The following ADGRL4 variants were observed in gnomAD, a reference collection of about 807,000 sequenced individuals.
The protein encoded by ADGRL4 is adhesion G protein-coupled receptor L4, also known as EGF, latrophilin and seven transmembrane domain containing 1.
ADGRL4 carries 90 observed loss-of-function variants against 74.8 expected under a neutral mutation model. The observed-to-expected ratio is 1.20, with a 90% CI of 1.02 to 1.43. The LOEUF is 1.43. Ranked by LOEUF, ADGRL4 falls within the 40% of genes most tolerant of loss-of-function variation. ADGRL4 has a pLI of 0.00. For synonymous variants in ADGRL4, 311 were observed against 279.2 expected (o/e 1.11, Z -1.14); for missense variants, 881 against 814.3 (o/e 1.08, Z -1.00).
chr1:78,996,902 C>T (rs1650728076), intron 2 of ADGRL4, among the ~76,000 whole-genome samples: 1 of 152,114 alleles, frequency 6.6e-6, no homozygotes, highest in African/African-American at 2.4e-5. Context: ...GGGGTAAACA[C>T]ACAACACAGG....
At chr1:78,939,159 TA>T in intron 4 of ADGRL4, 28 bp downstream of exon 4, 4 of 1,527,844 alleles carry the variant, frequency 2.6e-6, no homozygotes, top group Non-Finnish European at 3.5e-6. Context: ...AATGTCAAAA[TA>T]AAATAAATTG....
At chr1:78,899,935 A>G (rs1036999046) in intron 12 of ADGRL4, among the ~76,000 whole-genome samples, 3 of 152,174 alleles carry the variant, frequency 2.0e-5, no homozygotes, top group African/African-American at 7.2e-5. Context: ...CAAAAGGGAT[A>G]TTACAGATAG....
At chr1:78,944,892 A>G (rs770268835) in intron 3 of ADGRL4, among the ~76,000 whole-genome samples, 1 of 152,052 alleles carries the variant, frequency 6.6e-6, no homozygotes, top group African/African-American at 2.4e-5. Flanking sequence ...ATTTTTGAAC[A>G]TTGTGTCATA....
intron 2 of ADGRL4, among the ~76,000 whole-genome samples, chr1:78,950,819 G>A (rs954791398): frequency 3.9e-5 from 6 of 152,126 alleles, no homozygotes; most frequent in African/African-American, 4.8e-5. Flanking sequence ...GTTCTGACTT[G>A]GAGCGATCTG....
At chr1:78,920,835 A>G (rs888052469) in intron 9 of ADGRL4, among the ~76,000 whole-genome samples, 1 of 151,934 alleles carries the variant, frequency 6.6e-6, no homozygotes, top group Non-Finnish European at 1.5e-5. Context: ...AGGATTATCA[A>G]GTAATATTGT....
At chr1:78,891,894 T>C (rs1648286164) in intron 13 of ADGRL4, among the ~76,000 whole-genome samples, 1 of 152,122 alleles carries the variant, frequency 6.6e-6, no homozygotes, top group Non-Finnish European at 1.5e-5. Flanking sequence ...TACTGAACCG[T>C]GGCAGGGGTG....
At chr1:78,891,870 G>C (rs1260234882) in intron 13 of ADGRL4, among the ~76,000 whole-genome samples, 178 bp from the exon 14 acceptor site, 1 of 152,116 alleles carries the variant, frequency 6.6e-6, no homozygotes, top group Non-Finnish European at 1.5e-5. Flanking sequence ...ACAGCATTTA[G>C]GGTATGTTGC....
At chr1:78,891,810 T>C (rs780862283) in intron 13 of ADGRL4, 118 bp from the exon 14 acceptor site, 12 of 795,926 alleles carry the variant, frequency 1.5e-5, no homozygotes, top group Non-Finnish European at 2.3e-5. Flanking sequence ...CTTTTACAAA[T>C]AGACCCAATA....
intron 2 of ADGRL4, among the ~76,000 whole-genome samples, chr1:78,968,923 G>C (rs1650114641): frequency 6.6e-6 from 1 of 152,138 alleles, no homozygotes; most frequent in Admixed American, 6.5e-5. Flanking sequence ...TTGGAATAAA[G>C]GAAAAGTGTA....
chr1:78,969,561 T>G (rs1337217707), intron 2 of ADGRL4, among the ~76,000 whole-genome samples: 1 of 152,160 alleles, frequency 6.6e-6, no homozygotes, highest in Non-Finnish European at 1.5e-5. Flanking sequence ...TTATTTGAGA[T>G]TCCTTGTGGA....
intron 3 of ADGRL4, among the ~76,000 whole-genome samples, chr1:78,945,177 A>AAATAT (rs376405445): frequency 8.7e-4 from 111 of 127,926 alleles, no homozygotes; most frequent in Middle Eastern, 4.0e-3. Flanking sequence ...AAAAAAAAAA[A>AAATAT]ATATATATAT....
At chr1:78,914,365 T>C (rs1463354138) in intron 12 of ADGRL4, among the ~76,000 whole-genome samples, 15 of 151,928 alleles carry the variant, frequency 9.9e-5, no homozygotes, top group Admixed American at 9.9e-4. Flanking sequence ...ATATTTCTTA[T>C]ATTTTCTTTG....
At chr1:78,994,369 C>T (rs1650673556) in intron 2 of ADGRL4, among the ~76,000 whole-genome samples, 1 of 152,062 alleles carries the variant, frequency 6.6e-6, no homozygotes, top group Non-Finnish European at 1.5e-5. Flanking sequence ...AGCAGAAATA[C>T]CATTCACGGT....
At chr1:78,981,118 G>T (rs1570269831) in intron 2 of ADGRL4, among the ~76,000 whole-genome samples, 1 of 151,732 alleles carries the variant, frequency 6.6e-6, no homozygotes, top group East Asian at 1.9e-4. Flanking sequence ...CCTCTCTATA[G>T]AACAGCCTTC....
chr1:78,944,389 C>G (rs78355755), intron 3 of ADGRL4, among the ~76,000 whole-genome samples: 1,774 of 152,274 alleles, frequency 0.012, 31 homozygotes, highest in African/African-American at 0.04. Flanking sequence ...ATATGACATT[C>G]TAAGACTAGT....
intron 2 of ADGRL4, among the ~76,000 whole-genome samples, chr1:78,974,772 A>G (rs145610522): frequency 2.0e-3 from 300 of 152,230 alleles, no homozygotes; most frequent in Middle Eastern, 6.8e-3. Flanking sequence ...TCTTTCTCAT[A>G]TCACCTCAAT....
chr1:78,939,338 T>C, intron 3 of ADGRL4, 80 bp from the exon 4 acceptor site: 1 of 1,241,204 alleles, frequency 8.1e-7, no homozygotes, highest in Non-Finnish European at 1.0e-6. Context: ...CCCAATGATC[T>C]TTCTCACTTA....
intron 7 of ADGRL4, among the ~76,000 whole-genome samples, chr1:78,930,751 G>C (rs578102354): frequency 6.6e-6 from 1 of 151,386 alleles, no homozygotes; most frequent in South Asian, 2.1e-4. Flanking sequence ...GCTTGGTCTG[G>C]AAAAGCTGAT....
In ADGRL4 at chr1:78,936,119, G is replaced by A. The variant is rs1389781165; in HGVS notation, c.877+176C>T. 4.0e-4 allele frequency among the ~76,000 whole-genome samples: 4 copies of A among 9,918 alleles called. 1 individual carries two copies. The highest frequency in any genetic ancestry group is 4.5e-3 in the Admixed American group (2 of 446). The allele number at this position is 9,918 out of a possible 152,430, so 6.5% of individuals were successfully genotyped here. On this transcript the variant is annotated intron_variant, in intron 7 of 14. Transcript: ENST00000370742. ...CGCCTGGGCCACAGAGCGAGACTCC[G>A]TCTCAAAAAAAAAAAAAAAAAAAAA...
Sources: gnomAD v4.1 joint callset for allele counts (sites outside exome capture counted in the v4.1 genomes callset) on GRCh38, gnomAD v4.1.1 for gene constraint, MANE v1.5 for transcripts, NCBI Gene and HGNC (gene_info 2026-07-23, HGNC 2026-07-21) for gene names.